The following SLC4A4 variants were observed in gnomAD, a reference collection of about 807,000 sequenced individuals.
SLC4A4 encodes electrogenic sodium bicarbonate cotransporter 1.
SLC4A4 carries 27 observed loss-of-function variants against 111.5 expected under a neutral mutation model. The ratio of observed to expected loss-of-function variants is 0.24; its 90% CI spans 0.18 to 0.33. The LOEUF (loss-of-function observed/expected upper bound fraction) is 0.33, where lower values mean the gene tolerates loss of function less well. Ranked by LOEUF, SLC4A4 falls within the 10% of genes least tolerant of loss-of-function variation. The pLI is 1.00. For missense variants in SLC4A4, 909 were observed against 1,315.5 expected, an observed-to-expected ratio of 0.69 and a Z score of 4.78; for synonymous variants, 443 against 463.4, an observed-to-expected ratio of 0.96 and a Z score of 0.57.
intron 3 of SLC4A4, among the ~76,000 whole-genome samples, chr4:71,335,219 A>G (rs927218672): frequency 2.6e-5 from 4 of 152,346 alleles, no homozygotes; most frequent in African/African-American, 9.6e-5. Context: ...ATCTAAAATA[A>G]AAGTTAAAAA....
chr4:71,236,971 A>G (rs1317194981), intron 2 of SLC4A4, among the ~76,000 whole-genome samples: 1 of 152,250 alleles, frequency 6.6e-6, no homozygotes. Flanking sequence ...GACTAATTCA[A>G]GAAAGCTGCT....
At chr4:71,320,181 A>G (rs16846277) in intron 3 of SLC4A4, among the ~76,000 whole-genome samples, 1,651 of 152,124 alleles carry the variant, frequency 0.011, 29 homozygotes, top group African/African-American at 0.035. Context: ...ATTCATTTTC[A>G]TATTACTAGA....
intron 18 of SLC4A4, among the ~76,000 whole-genome samples, chr4:71,537,876 G>A (rs1022306841): frequency 2.6e-5 from 4 of 152,008 alleles, no homozygotes; most frequent in Admixed American, 6.6e-5. Context: ...GGATTGGCAC[G>A]GTCTCTCTCA....
At chr4:71,304,577 C>T (rs1725537107) in intron 3 of SLC4A4, among the ~76,000 whole-genome samples, 1 of 152,176 alleles carries the variant, frequency 6.6e-6, no homozygotes, top group African/African-American at 2.4e-5. Context: ...TAATGTTTTA[C>T]CAGCTGTCTG....
intron 3 of SLC4A4, chr4:71,300,312 A>G (rs1379638329): frequency 4.6e-6 from 1 of 219,650 alleles, no homozygotes; most frequent in Non-Finnish European, 9.6e-6. Flanking sequence ...CAGCATGGCC[A>G]GGAAGAAGGT....
chr4:71,232,227 G>A (rs1031997347), intron 1 of SLC4A4, among the ~76,000 whole-genome samples: 2 of 152,178 alleles, frequency 1.3e-5, no homozygotes, highest in Non-Finnish European at 2.9e-5. Context: ...TGGAGGGAAT[G>A]TGAAATATGC....
intron 18 of SLC4A4, among the ~76,000 whole-genome samples, chr4:71,536,463 T>TATATATATATATATATAC (rs1488959535): frequency 3.7e-4 from 21 of 56,550 alleles, no homozygotes; most frequent in African/African-American, 1.2e-3. Flanking sequence ...TATACATATA[T>TATATATATATATATATAC]ACATATATAT....
chr4:71,434,754 C>T (rs562061933), intron 7 of SLC4A4, among the ~76,000 whole-genome samples: 1 of 152,090 alleles, frequency 6.6e-6, no homozygotes, highest in Non-Finnish European at 1.5e-5. Context: ...GCAAAAATCA[C>T]AAGCATTCCT....
intron 1 of SLC4A4, among the ~76,000 whole-genome samples, chr4:71,088,482 G>T (rs534343985): frequency 6.6e-6 from 1 of 152,038 alleles, no homozygotes; most frequent in Non-Finnish European, 1.5e-5. Context: ...GTTAGTTGAT[G>T]CAGTTTCTTC....
At chr4:71,413,329 T>G (rs1352345886) in intron 7 of SLC4A4, among the ~76,000 whole-genome samples, 3 of 152,210 alleles carry the variant, frequency 2.0e-5, no homozygotes, top group Non-Finnish European at 2.9e-5. Flanking sequence ...TCCCAGCTTA[T>G]AGTATTGAAT....
Position 71,357,022 on chromosome 4 carries a change from C to T in SLC4A4, c.565C>T (p.His189Tyr). The change falls in exon 6 of 26, where the codon CAT (histidine) becomes TAT (tyrosine). Residue 189 changes from histidine to tyrosine, a missense_variant. His to Tyr is a moderately conservative substitution (Grantham distance 83). This residue lies in a region of SLC4A4 where 312 missense variants were observed against 402.0 expected (regional missense o/e 0.78). Coordinates refer to ENST00000264485, the MANE Select transcript of SLC4A4 (RefSeq NM_001098484.3). ...LPQLVEMIVDHQIETGLLKPE... is the reference protein window; with the variant it reads ...LPQLVEMIVDYQIETGLLKPE... ...TTTTGTACCAGAGATGATTGTTGAC[C>T]ATCAGATTGAGACAGGCCTATTGAA... 2.5e-6 allele frequency: 4 copies of T among 1,613,250 alleles called. No individual in the cohort carries two copies. Among genetic ancestry groups the T allele is most frequent in the Non-Finnish European group, 3.4e-6 (4 of 1,179,562 alleles).
chr4:71,282,282 C>T (rs1286426029), intron 3 of SLC4A4, among the ~76,000 whole-genome samples: 1 of 151,524 alleles, frequency 6.6e-6, no homozygotes, highest in Non-Finnish European at 1.5e-5. Flanking sequence ...GGAAAAAGGG[C>T]ATCCCTAAAG....
At chr4:71,328,395 A>G (rs1318144905) in intron 3 of SLC4A4, among the ~76,000 whole-genome samples, 1 of 151,992 alleles carries the variant, frequency 6.6e-6, no homozygotes, top group Non-Finnish European at 1.5e-5. Flanking sequence ...TGGTTTTTTG[A>G]GAAACTTCCA....
At chr4:71,113,302 T>G (rs1189358659) in intron 2 of SLC4A4, among the ~76,000 whole-genome samples, 3 of 152,248 alleles carry the variant, frequency 2.0e-5, no homozygotes, top group African/African-American at 7.2e-5. Flanking sequence ...TTACTTGGCC[T>G]TGTACACATA....
intron 8 of SLC4A4, among the ~76,000 whole-genome samples, chr4:71,445,126 A>T (rs1725107297): frequency 6.6e-6 from 1 of 152,194 alleles, no homozygotes; most frequent in Non-Finnish European, 1.5e-5. Flanking sequence ...TATCGTGTAG[A>T]CACCATTGAT....
intron 18 of SLC4A4, among the ~76,000 whole-genome samples, chr4:71,535,581 A>C (rs192543894): frequency 1.1e-4 from 16 of 152,260 alleles, no homozygotes; most frequent in South Asian, 2.1e-4. Flanking sequence ...CGTCCATCAA[A>C]ACTTGTAAGT....
chr4:71,310,246 T>C (rs577639960), intron 3 of SLC4A4, among the ~76,000 whole-genome samples: 2 of 152,044 alleles, frequency 1.3e-5, no homozygotes, highest in South Asian at 4.2e-4. Context: ...TGGAACCAAA[T>C]TGGAAAACAT....
chr4:71,297,150 G>A (rs1724857103), intron 3 of SLC4A4, among the ~76,000 whole-genome samples: 1 of 152,186 alleles, frequency 6.6e-6, no homozygotes, highest in Admixed American at 6.5e-5. Context: ...AAGACAAAGA[G>A]GTCCTTGTAA....
Position 71,497,514 on chromosome 4 carries a change from C to T in SLC4A4, c.1988C>T (p.Thr663Ile). 6.2e-7 allele frequency: 1 copy of T among 1,613,110 alleles called. No individual in the cohort carries two copies. Among genetic ancestry groups the T allele is most frequent in the Non-Finnish European group, 8.5e-7 (1 of 1,179,472 alleles). ...MSSTDMYHNT[T>I]FDWAFLSKKE... ...TTTCTTCTTCAGTACCATAATACTA[C>T]CTTTGACTGGGCATTTTTGTCGAAG... The change falls in exon 16 of 26, where the codon ACC (threonine) becomes ATC (isoleucine). Residue 663 changes from threonine (T) to isoleucine (I), a missense_variant. This residue lies in a region of SLC4A4 where 264 missense variants were observed against 356.8 expected (regional missense o/e 0.74). Transcript: ENST00000264485.
Sources: allele counts gnomAD v4.1 joint callset (sites outside exome capture counted in the v4.1 genomes callset), GRCh38; gene constraint gnomAD v4.1.1; regional missense constraint gnomAD v4.1.1; transcripts MANE v1.5; gene names NCBI Gene and HGNC (gene_info 2026-07-23, HGNC 2026-07-21).